The following IDH2 variants were observed in gnomAD, a reference collection of about 807,000 sequenced individuals.
IDH2 encodes the protein isocitrate dehydrogenase [NADP], mitochondrial.
Under a neutral mutation model 50.5 loss-of-function variants are expected in IDH2, and 18 were observed. The observed-to-expected ratio is 0.36, with a 90% CI of 0.25 to 0.53. IDH2 has a LOEUF of 0.53. Ranked by LOEUF, IDH2 falls within the 20% of genes least tolerant of loss-of-function variation. The probability of loss-of-function intolerance (pLI) is 0.92; values close to 1 mark genes in which losing one functional copy is unlikely to be tolerated. For missense variants in IDH2, 518 were observed against 610.7 expected (o/e 0.85, Z 1.60); for synonymous variants, 280 against 239.8 (o/e 1.17, Z -1.55).
intron 1 of IDH2, among the ~76,000 whole-genome samples, chr15:90,101,630 C>G (rs930079137): frequency 6.8e-6 from 1 of 147,974 alleles, no homozygotes; most frequent in Non-Finnish European, 1.5e-5. Context: ...CAGGTCAAGT[C>G]AAGGAGAGGC....
At chr15:90,089,498 G>C (rs1486365765) in intron 3 of IDH2, among the ~76,000 whole-genome samples, 3 of 152,140 alleles carry the variant, frequency 2.0e-5, no homozygotes, top group Non-Finnish European at 4.4e-5. Context: ...CGCCACCCCA[G>C]TTCCTAAGGC....
Position 90,097,887 on chromosome 15 carries a change from T to C in IDH2, c.115+4389A>G, listed in dbSNP as rs1901223214. On this transcript the variant is annotated intron_variant, in intron 1 of 10. Transcript: ENST00000330062. ...AAAATCAGGAGATTTTATATAAAAA[T>C]CTAGAAATGCAGCAGGCACTCACTC... is the stretch of plus-strand genomic sequence containing the variant. Among the ~76,000 whole-genome samples, 4 of 152,182 alleles carry C rather than the reference T, an allele frequency of 2.6e-5. No homozygotes were observed. In the South Asian group the frequency reaches 8.3e-4, roughly 32 times the overall value.
At chr15:90,093,240 G>T (rs1389804835) in intron 1 of IDH2, among the ~76,000 whole-genome samples, 1 of 152,198 alleles carries the variant, frequency 6.6e-6, no homozygotes, top group Non-Finnish European at 1.5e-5. Flanking sequence ...TGTTGCCCAA[G>T]CCAGGCTCAG....
intron 1 of IDH2, among the ~76,000 whole-genome samples, chr15:90,097,954 C>T (rs9672249): frequency 0.28 from 43,215 of 152,012 alleles, 6,512 homozygotes; most frequent in African/African-American, 0.37. Context: ...TCTCCCTTCA[C>T]TCCATGACAG....
chr15:90,087,674 T>A, intron 5 of IDH2, 99 bp from the exon 6 acceptor site: 1 of 1,404,180 alleles, frequency 7.1e-7, no homozygotes, highest in Non-Finnish European at 1.0e-6. Flanking sequence ...CCAGGAACGG[T>A]ACCCCGCCGC....
intron 5 of IDH2, 25 bp downstream of exon 5, chr15:90,088,334 C>T (rs373354559): frequency 3.5e-4 from 572 of 1,611,460 alleles, no homozygotes; most frequent in Non-Finnish European, 4.6e-4. Context: ...AGAGGAGGGG[C>T]CCAGGATGCC....
At chr15:90,101,809 G>A (rs1048637093) in intron 1 of IDH2, among the ~76,000 whole-genome samples, 10 of 151,756 alleles carry the variant, frequency 6.6e-5, no homozygotes, top group Admixed American at 2.0e-4. Flanking sequence ...AAAGGAAGGG[G>A]AAGTGCATGT....
chr15:90,099,414 A>G (rs777480254), intron 1 of IDH2, among the ~76,000 whole-genome samples: 2 of 152,056 alleles, frequency 1.3e-5, no homozygotes, highest in African/African-American at 4.8e-5. Context: ...TGGCTGCCCT[A>G]TACAAACTTT....
At position 90,091,368 on chromosome 15, in the gene IDH2, G is replaced by A. The variant is rs555200151; in HGVS notation, c.207+185C>T. Among the ~76,000 whole-genome samples the A allele has an allele frequency of 7.2e-5, 11 of 152,354 alleles. No individual in the cohort carries two copies. In the South Asian group the frequency reaches 8.3e-4, roughly 11 times the overall value. ...TGCTGGGGACAGGCCCCCGCCTGAC[G>A]ACTTCTGAACAATTAGTGGACCAGA... On this transcript the variant is annotated intron_variant, in intron 2 of 10. Coordinates refer to ENST00000330062, the MANE Select transcript of IDH2 (RefSeq NM_002168.4).
Position 90,085,105 on chromosome 15 carries a change from A to G in IDH2, c.1081-7T>C, listed in dbSNP as rs1045351891. 1 of 1,612,970 alleles carries G rather than the reference A, an allele frequency of 6.2e-7. No individual in the cohort carries two copies. Among genetic ancestry groups the G allele is most frequent in the Admixed American group, 1.7e-5 (1 of 59,996 alleles). ...TGGTGCTGGTGGGCCGGCCCTGGGGACGGGGGTTGCAGGGAGATCAAGAGC... is the reference window on the plus strand; with the variant it reads ...TGGTGCTGGTGGGCCGGCCCTGGGGGCGGGGGTTGCAGGGAGATCAAGAGC... On this transcript the variant is annotated splice_polypyrimidine_tract_variant and splice_region_variant and intron_variant, in intron 8 of 10. Transcript: ENST00000330062. This position sits in a 1 kb window ranked among gnomAD's most constrained non-coding sequence, Gnocchi z 5.5.
intron 1 of IDH2, 147 bp downstream of exon 1, chr15:90,102,129 C>T (rs951688586): frequency 3.4e-5 from 11 of 327,152 alleles, no homozygotes; most frequent in Non-Finnish European, 4.4e-5. Flanking sequence ...GAGCGCGGAG[C>T]GAAGCTGCCC....
At chr15:90,087,392 T>TG (rs763991101) in intron 6 of IDH2, 47 bp downstream of exon 6, 52 of 1,612,706 alleles carry the variant, frequency 3.2e-5, no homozygotes, top group East Asian at 8.9e-5. Context: ...GGGAACAGCA[T>TG]GGGGGGAAGG....
chr15:90,098,539 T>TATGTATGCATGCATGC lies in IDH2; in HGVS notation c.115+3736_115+3737insGCATGCATGCATACAT, dbSNP rs1216157149. On this transcript the variant is annotated intron_variant, in intron 1 of 10. Transcript: ENST00000330062. This position sits in a 1 kb window ranked among gnomAD's most constrained non-coding sequence, Gnocchi z 5.1. ...GTATGTATGTATGCATGCATGTATGTATGTATGTATGTATGTATGTATTGA... is the reference window on the plus strand; with the variant it reads ...GTATGTATGTATGCATGCATGTATGTATGTATGCATGCATGCATGTATGTATGTATGTATGTATTGA... Among the ~76,000 whole-genome samples the TATGTATGCATGCATGC allele has an allele frequency of 4.1e-5, 6 of 147,124 alleles. No individual in the cohort carries two copies. The highest frequency in any genetic ancestry group is 4.3e-4 in the South Asian group (2 of 4,644).
Position 90,088,569 on chromosome 15 carries a change from C to T in IDH2, c.534+18G>A, listed in dbSNP as rs2151549457. 1 of 1,614,210 alleles carries T rather than the reference C, an allele frequency of 6.2e-7. No homozygotes were observed. The highest frequency in any genetic ancestry group is 8.5e-7 in the Non-Finnish European group (1 of 1,180,040). On this transcript the variant is annotated intron_variant, in intron 4 of 10. Transcript: ENST00000330062. The stretch of plus-strand genomic sequence containing the variant: ...GGGGGTGCCCAGGTCAGTGGATCCC[C>T]TCTCCACCCTGGCCTACCTGGTCGC...
rs1308152099 is a variant in IDH2, at chr15:90,098,348, A to G, written c.115+3928T>C. On this transcript the variant is annotated intron_variant, in intron 1 of 10. Transcript: ENST00000330062. This position sits in a 1 kb window ranked among gnomAD's most constrained non-coding sequence, Gnocchi z 5.1. ...GGAGGCTAGAGGTCCAGCCGCAGGC[A>G]GCCAGCCCCAGGCATAACTGCTCCC... 1.3e-5 allele frequency among the ~76,000 whole-genome samples: 2 copies of G among 152,194 alleles called. No individual in the cohort carries two copies. Among genetic ancestry groups the G allele is most frequent in the Non-Finnish European group, 2.9e-5 (2 of 68,032 alleles).
In IDH2 at chr15:90,084,853, T is replaced by A. The variant is rs762644852; in HGVS notation, c.1234A>T (p.Thr412Ser). The A allele has an allele frequency of 6.2e-7, 1 of 1,613,878 alleles. No homozygotes were observed. Among genetic ancestry groups the A allele is most frequent in the African/African-American group, 1.3e-5 (1 of 74,890 alleles). The change falls in exon 10 of 11, where the codon ACC becomes TCC. Residue 412 changes from threonine to serine, a missense_variant. Transcript: ENST00000330062. This position sits in a 1 kb window ranked among gnomAD's most constrained non-coding sequence, Gnocchi z 5.0. ...CVETVESGAMTKDLAGCIHGL... is the reference protein window; with the variant it reads ...CVETVESGAMSKDLAGCIHGL... Reference sequence around the variant, plus strand: ...TGAATGCAGCCCGCCAGGTCCTTGGTCATGGCTCCACTCTCCACCGTCTCC... The same window carrying A: ...TGAATGCAGCCCGCCAGGTCCTTGGACATGGCTCCACTCTCCACCGTCTCC...
chr15:90,089,106 G>A (rs1436057237), intron 3 of IDH2, among the ~76,000 whole-genome samples: 1 of 151,802 alleles, frequency 6.6e-6, no homozygotes, highest in Non-Finnish European at 1.5e-5. Context: ...GAGAGATGGG[G>A]TTTCTCCATG....
chr15:90,098,712 T>G lies in IDH2; in HGVS notation c.115+3564A>C, dbSNP rs1173594660. 6.6e-6 allele frequency among the ~76,000 whole-genome samples: 1 copy of G among 152,072 alleles called. No homozygotes were observed. The highest frequency in any genetic ancestry group is 6.6e-5 in the Admixed American group (1 of 15,264). ...GCGCCTGCCACCACACCCAGCTAAT[T>G]TTTGTATTTTTAGTAGAGACCGGGT... On this transcript the variant is annotated intron_variant, in intron 1 of 10. Coordinates refer to ENST00000330062, the MANE Select transcript of IDH2 (RefSeq NM_002168.4). This position sits in a 1 kb window ranked among gnomAD's most constrained non-coding sequence, Gnocchi z 5.1.
At chr15:90,099,528 C>T (rs1337449148) in intron 1 of IDH2, among the ~76,000 whole-genome samples, 1 of 152,176 alleles carries the variant, frequency 6.6e-6, no homozygotes, top group African/African-American at 2.4e-5. Context: ...AGTGCAGTGG[C>T]ACAATTGTAC....
Sources: allele counts gnomAD v4.1 joint callset (sites outside exome capture counted in the v4.1 genomes callset), GRCh38; gene constraint gnomAD v4.1.1; non-coding constraint Gnocchi (gnomAD v3.1); transcripts MANE v1.5; gene names NCBI Gene and HGNC (gene_info 2026-07-23, HGNC 2026-07-21).